Variants in ALKBH3 observed in about 807,000 individuals in gnomAD.
ALKBH3 encodes alpha-ketoglutarate-dependent dioxygenase alkB homolog 3.
Under a neutral mutation model 43.9 loss-of-function variants are expected in ALKBH3, and 51 were observed. The ratio of observed to expected loss-of-function variants is 1.16; its 90% CI spans 0.93 to 1.47. The LOEUF is 1.47. ALKBH3 is among the 40% of genes most tolerant of loss of function. The pLI is 0.00. For missense variants in ALKBH3, 361 were observed against 351.9 expected (o/e 1.03, Z -0.21); for synonymous variants, 102 against 115.2 (o/e 0.89, Z 0.73).
intron 8 of ALKBH3, among the ~76,000 whole-genome samples, chr11:43,913,963 G>A (rs2135205200): frequency 6.6e-6 from 1 of 152,304 alleles, no homozygotes; most frequent in Non-Finnish European, 1.5e-5. Flanking sequence ...AGCACTGGGG[G>A]AACAGTGATC....
intron 2 of ALKBH3, 39 bp from the exon 3 acceptor site, chr11:43,883,046 C>A: frequency 6.4e-7 from 1 of 1,560,856 alleles, no homozygotes; most frequent in Non-Finnish European, 8.8e-7. Context: ...TGAGAACAGA[C>A]TTTCCCCTGG....
intron 8 of ALKBH3, chr11:43,909,460 T>A (rs1445741954): frequency 6.6e-6 from 1 of 152,152 alleles, no homozygotes; most frequent in East Asian, 1.9e-4. Context: ...GCTTAGGTGA[T>A]CCATGAAACA....
intron 8 of ALKBH3, among the ~76,000 whole-genome samples, chr11:43,903,723 A>G (rs1367545547): frequency 6.6e-6 from 1 of 152,164 alleles, no homozygotes; most frequent in Non-Finnish European, 1.5e-5. Flanking sequence ...CTTTACACAC[A>G]TATATTCACC....
chr11:43,898,735 C>T (rs1036656271), intron 7 of ALKBH3: 6 of 718,984 alleles, frequency 8.3e-6, no homozygotes, highest in African/African-American at 3.5e-5. Context: ...TCTCATCCTG[C>T]GGTCACCCAG....
In ALKBH3 at chr11:43,898,395, C is replaced by A. The variant is rs561685682; in HGVS notation, c.460-3121C>A. 4.1e-4 allele frequency: 289 copies of A among 702,254 alleles called. 2 individuals are homozygous for A. The highest frequency in any genetic ancestry group is 3.2e-3 in the South Asian group (202 of 62,160). 43.5% of individuals were successfully genotyped at this position (702,254 alleles called of 1,614,324 possible). A position where few individuals can be genotyped will look rare whatever the true frequency, so the allele number is the denominator to read the frequency against. On this transcript the variant is annotated intron_variant, in intron 7 of 9. Coordinates refer to ENST00000302708, the MANE Select transcript of ALKBH3 (RefSeq NM_139178.4). Reference sequence around the variant, plus strand: ...TTGCTACCTGGGCCGTTCCACAGGTCCTTCAGAATTACTACACGGGAGGCT... The same window carrying A: ...TTGCTACCTGGGCCGTTCCACAGGTACTTCAGAATTACTACACGGGAGGCT...
intron 8 of ALKBH3, among the ~76,000 whole-genome samples, chr11:43,905,666 C>T (rs1177290027): frequency 1.3e-5 from 2 of 152,178 alleles, no homozygotes; most frequent in Non-Finnish European, 2.9e-5. Context: ...TGTTGTCAGG[C>T]TATATTGTCT....
At chr11:43,907,140 T>G (rs1951901150) in intron 8 of ALKBH3, among the ~76,000 whole-genome samples, 1 of 151,912 alleles carries the variant, frequency 6.6e-6, no homozygotes, top group Non-Finnish European at 1.5e-5. Flanking sequence ...AAATGGTAAT[T>G]GGGTTTTTGA....
intron 8 of ALKBH3, among the ~76,000 whole-genome samples, chr11:43,914,926 C>T (rs1951971381): frequency 6.6e-6 from 1 of 151,960 alleles, no homozygotes; most frequent in Non-Finnish European, 1.5e-5. Flanking sequence ...TGAACTTGGG[C>T]TGGGTGTGGT....
chr11:43,907,364 G>A (rs1374899302), intron 8 of ALKBH3, among the ~76,000 whole-genome samples: 3 of 152,138 alleles, frequency 2.0e-5, no homozygotes, highest in Non-Finnish European at 1.5e-5. Context: ...TCCATGCCCT[G>A]ACTCCCACTG....
intron 7 of ALKBH3, among the ~76,000 whole-genome samples, chr11:43,896,701 T>G (rs1444918363): frequency 6.6e-6 from 1 of 152,160 alleles, no homozygotes; most frequent in African/African-American, 2.4e-5. Context: ...ACAGTCACTT[T>G]GAGCCTGACT....
At chr11:43,896,059 G>A (rs907385727) in intron 7 of ALKBH3, among the ~76,000 whole-genome samples, 2 of 152,072 alleles carry the variant, frequency 1.3e-5, no homozygotes, top group Admixed American at 6.5e-5. Flanking sequence ...AAAATACAAC[G>A]GGCAGACCGA....
At chr11:43,886,694 A>G (rs1350107066) in intron 5 of ALKBH3, 41 bp downstream of exon 5, 3 of 1,587,024 alleles carry the variant, frequency 1.9e-6, no homozygotes, top group Non-Finnish European at 1.7e-6. Flanking sequence ...ATTATCACTG[A>G]GTTATAGTCT....
chr11:43,883,213 T>C (rs1348306658), intron 3 of ALKBH3, 25 bp downstream of exon 3: 5 of 1,575,560 alleles, frequency 3.2e-6, no homozygotes, highest in Non-Finnish European at 4.3e-6. Flanking sequence ...TTTTCTTCAA[T>C]AGTGATAAAA....
At chr11:43,903,156 G>A (rs12363064) in intron 8 of ALKBH3, among the ~76,000 whole-genome samples, 41,865 of 152,088 alleles carry the variant, frequency 0.28, 7,015 homozygotes, top group East Asian at 0.58. Context: ...TCATTGTTAG[G>A]GGATTGGTAG....
At chr11:43,901,749 C>T in intron 8 of ALKBH3, 24 bp downstream of exon 8, 2 of 1,608,868 alleles carry the variant, frequency 1.2e-6, no homozygotes, top group Non-Finnish European at 1.7e-6. Context: ...TTTTCTTATG[C>T]TCTTCCTGCC....
Position 43,900,254 on chromosome 11 carries a change from C to A in ALKBH3, c.460-1262C>A, listed in dbSNP as rs1199568329. Among the ~76,000 whole-genome samples, 8 of 107,342 alleles carry A rather than the reference C, an allele frequency of 7.5e-5. No individual in the cohort carries two copies. The South Asian group carries it at 2.6e-3, about 35-fold the overall frequency. The allele number at this position is 107,342 out of a possible 152,430, so 70.4% of individuals were successfully genotyped here. A position where few individuals can be genotyped will look rare whatever the true frequency, so the allele number is the denominator to read the frequency against. ...TTTTTTTTTTTTTGCGACAGAGTCT[C>A]GCTCTGTTACCCAGGCTGGAGTGCA... On this transcript the variant is annotated intron_variant, in intron 7 of 9. Transcript: ENST00000302708.
chr11:43,919,424 A>G (rs1952009735), intron 9 of ALKBH3, among the ~76,000 whole-genome samples: 1 of 152,244 alleles, frequency 6.6e-6, no homozygotes, highest in African/African-American at 2.4e-5. Flanking sequence ...CTTGCATGCT[A>G]TAAAGAACTG....
At chr11:43,894,031 A>G (rs1483786229) in intron 7 of ALKBH3, among the ~76,000 whole-genome samples, 1 of 152,160 alleles carries the variant, frequency 6.6e-6, no homozygotes, top group African/African-American at 2.4e-5. Context: ...TTAAAGGTGG[A>G]TTCACTAATG....
chr11:43,882,563 T>C lies in ALKBH3; in HGVS notation c.-70-20T>C. ...ACAATCCTAACTAAAAGCACTGTTT[T>C]GTTTTGTTTTAATAAACAGATACCA... On this transcript the variant is annotated intron_variant, in intron 1 of 9. Coordinates refer to ENST00000302708, the MANE Select transcript of ALKBH3 (RefSeq NM_139178.4). 1 of 1,202,282 alleles carries C rather than the reference T, an allele frequency of 8.3e-7. No individual in the cohort carries two copies. The highest frequency in any genetic ancestry group is 1.2e-6 in the Non-Finnish European group (1 of 857,966). The allele number at this position is 1,202,282 out of a possible 1,614,324, so 74.5% of individuals were successfully genotyped here.
Sources: allele counts gnomAD v4.1 joint callset (sites outside exome capture counted in the v4.1 genomes callset), GRCh38; gene constraint gnomAD v4.1.1; transcripts MANE v1.5; gene names NCBI Gene and HGNC (gene_info 2026-07-23, HGNC 2026-07-21).